Variants in PDGFC observed in about 807,000 individuals in gnomAD.
PDGFC encodes the protein platelet-derived growth factor C.
PDGFC carries 12 observed loss-of-function variants against 35.5 expected under a neutral mutation model. The observed-to-expected ratio is 0.34, with a 90% confidence interval of 0.22 to 0.55. The LOEUF (loss-of-function observed/expected upper bound fraction) is 0.55. Ranked by LOEUF, PDGFC falls within the 20% of genes least tolerant of loss-of-function variation. The pLI is 0.91. For synonymous variants in PDGFC, 159 were observed against 148.8 expected, an observed-to-expected ratio of 1.07 and a Z score of -0.50; for missense variants, 322 against 412.4, an observed-to-expected ratio of 0.78 and a Z score of 1.90.
intron 2 of PDGFC, among the ~76,000 whole-genome samples, chr4:156,843,404 G>C (rs931915763): frequency 6.6e-6 from 1 of 152,238 alleles, no homozygotes; most frequent in Non-Finnish European, 1.5e-5. Context: ...GGATGAGACA[G>C]TAACCACCAT....
chr4:156,852,687 G>T (rs1156995651), intron 1 of PDGFC, among the ~76,000 whole-genome samples: 1 of 152,060 alleles, frequency 6.6e-6, no homozygotes, highest in Non-Finnish European at 1.5e-5. Context: ...AATCATATTT[G>T]GGTGGGTCTA....
intron 3 of PDGFC, among the ~76,000 whole-genome samples, chr4:156,785,316 C>T (rs989651258): frequency 6.6e-6 from 1 of 152,130 alleles, no homozygotes; most frequent in Non-Finnish European, 1.5e-5. Context: ...ATTCTTCTGC[C>T]TCAGGCTGCC....
intron 2 of PDGFC, among the ~76,000 whole-genome samples, chr4:156,826,340 T>A (rs1732479031): frequency 6.6e-6 from 1 of 151,474 alleles, no homozygotes; most frequent in African/African-American, 2.4e-5. Context: ...GTAGCTGGGA[T>A]GACAGGCACC....
chr4:156,875,709 G>A, intron 1 of PDGFC, among the ~76,000 whole-genome samples: 1 of 152,146 alleles, frequency 6.6e-6, no homozygotes, highest in East Asian at 1.9e-4. Flanking sequence ...CTTGAGGTCA[G>A]GAGTTTGAGA....
At chr4:156,892,323 A>G (rs1157985625) in intron 1 of PDGFC, among the ~76,000 whole-genome samples, 1 of 152,200 alleles carries the variant, frequency 6.6e-6, no homozygotes, top group Non-Finnish European at 1.5e-5. Flanking sequence ...ATGCTTCTCT[A>G]CTCAGCTTGG....
chr4:156,941,044 T>C (rs1245260800), intron 1 of PDGFC, among the ~76,000 whole-genome samples: 1 of 152,162 alleles, frequency 6.6e-6, no homozygotes, highest in Non-Finnish European at 1.5e-5. Flanking sequence ...CAAAAGCTCT[T>C]TGGCATCTTC....
chr4:156,834,650 CG>C (rs1454122076), intron 2 of PDGFC, among the ~76,000 whole-genome samples: 1 of 151,988 alleles, frequency 6.6e-6, no homozygotes, highest in African/African-American at 2.4e-5. Context: ...TATGGGGAGA[CG>C]ATCTATGTCT....
chr4:156,767,063 C>A (rs1398180915), intron 5 of PDGFC, among the ~76,000 whole-genome samples: 1 of 152,022 alleles, frequency 6.6e-6, no homozygotes, highest in East Asian at 1.9e-4. Context: ...GTTGACTCAT[C>A]AAGAAGGATG....
chr4:156,777,736 T>C (rs1730865952), intron 3 of PDGFC, among the ~76,000 whole-genome samples: 2 of 152,164 alleles, frequency 1.3e-5, no homozygotes, highest in African/African-American at 2.4e-5. Flanking sequence ...TCCACTTAAC[T>C]ATTATAGGAG....
rs909404151 is a variant in PDGFC, at chr4:156,760,753, G to A, written c.*2337C>T. ...GACTGCTACCCTTATGATCTCTTCT[G>A]GCTGTCAAGATTTTATAAGTAAACA... On this transcript the variant is annotated 3_prime_UTR_variant, in exon 6 of 6. Coordinates refer to ENST00000502773, the MANE Select transcript of PDGFC (RefSeq NM_016205.3). 5 of 152,042 alleles carry A rather than the reference G, an allele frequency of 3.3e-5. No homozygotes were observed. The highest frequency in any genetic ancestry group is 3.3e-4 in the Admixed American group (5 of 15,270). The allele number at this position is 152,042 out of a possible 1,614,324, so 9.4% of individuals were successfully genotyped here. A position where few individuals can be genotyped will look rare whatever the true frequency, so the allele number is the denominator to read the frequency against.
chr4:156,922,478 A>G (rs1254918796), intron 1 of PDGFC, among the ~76,000 whole-genome samples: 1 of 152,230 alleles, frequency 6.6e-6, no homozygotes, highest in Non-Finnish European at 1.5e-5. Flanking sequence ...ATATGGTGTG[A>G]TAAGTGTTAC....
intron 3 of PDGFC, among the ~76,000 whole-genome samples, chr4:156,803,209 G>A (rs1257020672): frequency 3.3e-5 from 5 of 152,082 alleles, no homozygotes; most frequent in African/African-American, 1.2e-4. Context: ...GTACTGAGAG[G>A]AGATTTACAC....
chr4:156,946,579 C>T (rs1438751967), intron 1 of PDGFC, among the ~76,000 whole-genome samples: 1 of 152,008 alleles, frequency 6.6e-6, no homozygotes, highest in Non-Finnish European at 1.5e-5. Context: ...TTGCCTAGGT[C>T]CCCGAAGGAA....
chr4:156,872,384 A>C (rs141868422), intron 1 of PDGFC, among the ~76,000 whole-genome samples: 1 of 152,202 alleles, frequency 6.6e-6, no homozygotes, highest in Non-Finnish European at 1.5e-5. Flanking sequence ...TAGCACATAC[A>C]TTAGCAAACA....
intron 1 of PDGFC, among the ~76,000 whole-genome samples, chr4:156,919,069 T>C (rs1731214653): frequency 6.6e-6 from 1 of 152,204 alleles, no homozygotes; most frequent in South Asian, 2.1e-4. Context: ...ATGTTTTGTT[T>C]ACTTCTTTCC....
chr4:156,804,661 G>C (rs1456656061), intron 3 of PDGFC, among the ~76,000 whole-genome samples: 2 of 151,818 alleles, frequency 1.3e-5, no homozygotes, highest in African/African-American at 4.8e-5. Flanking sequence ...ATACATCTTT[G>C]AATCTTCTCA....
At chr4:156,780,936 C>T (rs889978620) in intron 3 of PDGFC, among the ~76,000 whole-genome samples, 2 of 152,142 alleles carry the variant, frequency 1.3e-5, no homozygotes, top group African/African-American at 4.8e-5. Flanking sequence ...CAAGATGCTT[C>T]TCCTTAGCTC....
chr4:156,813,063 G>A (rs1004045754), intron 2 of PDGFC, among the ~76,000 whole-genome samples: 3 of 152,100 alleles, frequency 2.0e-5, no homozygotes, highest in Admixed American at 1.3e-4. Context: ...ATGTGGAAGG[G>A]TTAGGCAGTG....
chr4:156,798,141 G>A (rs1278073316), intron 3 of PDGFC, among the ~76,000 whole-genome samples: 4 of 152,150 alleles, frequency 2.6e-5, no homozygotes, highest in East Asian at 1.9e-4. Context: ...GCAGTGAGCC[G>A]AGATTGCAAC....
Sources: gnomAD v4.1 joint callset for allele counts (sites outside exome capture counted in the v4.1 genomes callset) on GRCh38, gnomAD v4.1.1 for gene constraint, MANE v1.5 for transcripts, NCBI Gene and HGNC (gene_info 2026-07-23, HGNC 2026-07-21) for gene names.